Variants in LAMB4 observed in about 807,000 individuals in gnomAD.
LAMB4 encodes the protein laminin subunit beta 4, also known as laminin subunit beta-4.
In LAMB4, 196 loss-of-function variants were observed where a neutral mutation model predicts 199.2. That is an observed-to-expected ratio of 0.98 (90% confidence interval 0.88 to 1.11). LAMB4 has a LOEUF of 1.11. Ranked by LOEUF, LAMB4 falls within the 50% of genes least tolerant of loss-of-function variation. The probability of loss-of-function intolerance (pLI) is 0.00; values close to 1 mark genes in which losing one functional copy is unlikely to be tolerated. For synonymous variants in LAMB4, 744 were observed against 770.6 expected (o/e 0.97, Z 0.57); for missense variants, 2,080 against 2,171.2 (o/e 0.96, Z 0.83).
chr7:108,052,346 T>C, intron 25 of LAMB4, 89 bp from the exon 26 acceptor site: 2 of 982,498 alleles, frequency 2.0e-6, no homozygotes, highest in Non-Finnish European at 2.9e-6. Context: ...GCCCTCATTG[T>C]TAGGAATTCT....
intron 31 of LAMB4, among the ~76,000 whole-genome samples, chr7:108,031,422 A>G (rs1372670932): frequency 6.6e-6 from 1 of 151,466 alleles, no homozygotes; most frequent in African/African-American, 2.4e-5. Context: ...ACGAATAGCC[A>G]TGTATCCACC....
intron 19 of LAMB4, among the ~76,000 whole-genome samples, chr7:108,067,536 G>C (rs1010502420): frequency 3.9e-5 from 6 of 152,178 alleles, no homozygotes; most frequent in Non-Finnish European, 2.9e-5. Context: ...GAGTTACAAG[G>C]CTGTTTGCAA....
At chr7:108,106,449 G>T in intron 7 of LAMB4, 60 bp downstream of exon 7, 1 of 995,456 alleles carries the variant, frequency 1.0e-6, no homozygotes, top group South Asian at 1.4e-5. Context: ...CAATTACAAG[G>T]AATATGCCAA....
At chr7:108,048,948 C>A (rs563386015) in intron 27 of LAMB4, among the ~76,000 whole-genome samples, 1 of 152,318 alleles carries the variant, frequency 6.6e-6, no homozygotes, top group African/African-American at 2.4e-5. Flanking sequence ...ACCTTGGCCT[C>A]CCAAAGTGCT....
intron 10 of LAMB4, among the ~76,000 whole-genome samples, chr7:108,102,671 C>G (rs779229159): frequency 1.3e-5 from 2 of 152,108 alleles, no homozygotes; most frequent in Non-Finnish European, 2.9e-5. Context: ...TTTTAAAAAG[C>G]GCAAGGTAAG....
At position 108,095,227 on chromosome 7, in the gene LAMB4, C is replaced by T. The variant is rs1480158594; in HGVS notation, c.1470+1G>A. ...AAGGGAAACTATAGGCAAATACATA[C>T]AGTGCATTCTTCGCAGTGTGCTCCG... On this transcript the variant is annotated splice_donor_variant, in intron 12 of 33. Transcript: ENST00000388781. LOFTEE classifies it high-confidence loss of function. The T allele has an allele frequency of 1.2e-6, 2 of 1,604,766 alleles. No homozygotes were observed. The highest frequency in any genetic ancestry group is 1.7e-6 in the Non-Finnish European group (2 of 1,171,846).
At chr7:108,124,664 C>CAAA (rs55806392) in intron 1 of LAMB4, among the ~76,000 whole-genome samples, 1 of 144,824 alleles carries the variant, frequency 6.9e-6, no homozygotes, top group Non-Finnish European at 1.5e-5. Flanking sequence ...GTTTAAAAGG[C>CAAA]AAAAAAAAAA....
At chr7:108,118,434 C>G (rs2038484277) in intron 2 of LAMB4, among the ~76,000 whole-genome samples, 1 of 151,972 alleles carries the variant, frequency 6.6e-6, no homozygotes, top group Admixed American at 6.6e-5. Flanking sequence ...GAAAAGACAC[C>G]TAGATCAATG....
At chr7:108,119,430 A>G (rs1230081510) in intron 2 of LAMB4, among the ~76,000 whole-genome samples, 16 of 152,214 alleles carry the variant, frequency 1.1e-4, no homozygotes, top group Admixed American at 1.0e-3. Context: ...CATCTGTACC[A>G]TGGAACCTAG....
rs376786166 is a variant in LAMB4, at chr7:108,057,938, C to G, written c.3283-10G>C. The G allele has an allele frequency of 6.3e-7, 1 of 1,593,624 alleles. No homozygotes were observed. The highest frequency in any genetic ancestry group is 1.1e-5 in the South Asian group (1 of 90,540). ...GACACTGGCCTGTAAGCTGTGAGAA[C>G]AGTCATGGGTGAGGAATTGACAAGT... On this transcript the variant is annotated splice_polypyrimidine_tract_variant and intron_variant, in intron 23 of 33. Transcript: ENST00000388781.
intron 17 of LAMB4, 106 bp downstream of exon 17, chr7:108,076,838 C>T: frequency 1.5e-6 from 2 of 1,292,328 alleles, no homozygotes; most frequent in Non-Finnish European, 2.1e-6. Context: ...TATAATTGAG[C>T]AAATACGTTT....
chr7:108,070,317 T>C (rs2036489833), intron 17 of LAMB4, among the ~76,000 whole-genome samples: 1 of 152,252 alleles, frequency 6.6e-6, no homozygotes, highest in Non-Finnish European at 1.5e-5. Context: ...CCAGTTTCCA[T>C]AGCCCTTTAC....
intron 28 of LAMB4, among the ~76,000 whole-genome samples, chr7:108,044,975 GA>G (rs1287213891): frequency 8.1e-6 from 1 of 122,894 alleles, no homozygotes; most frequent in African/African-American, 3.2e-5. Context: ...AAAAAAAAAA[GA>G]AAAGAAAAGA....
chr7:108,113,897 G>A (rs112328309), intron 3 of LAMB4, among the ~76,000 whole-genome samples: 18 of 152,254 alleles, frequency 1.2e-4, no homozygotes, highest in East Asian at 3.9e-4. Flanking sequence ...ACCAGTGGTC[G>A]TAGCCCCTTC....
In LAMB4 at chr7:108,066,803, G is replaced by A. The variant is rs528936754; in HGVS notation, c.2447-203C>T. On this transcript the variant is annotated intron_variant, in intron 19 of 33. Coordinates refer to ENST00000388781, the MANE Select transcript of LAMB4 (RefSeq NM_007356.3). Reference sequence around the variant, plus strand: ...AGTCACTGGATAAACAGTATGTTGCGAACAATTGGGTTTAATTAACGTTTG... The same window carrying A: ...AGTCACTGGATAAACAGTATGTTGCAAACAATTGGGTTTAATTAACGTTTG... 5.9e-5 allele frequency among the ~76,000 whole-genome samples: 9 copies of A among 152,142 alleles called. No individual in the cohort carries two copies. The South Asian group carries it at 8.3e-4, about 14-fold the overall frequency.
In LAMB4 at chr7:108,116,036, C is replaced by G. The variant is rs541366871; in HGVS notation, c.160G>C (p.Ala54Pro). The change falls in exon 3 of 34, where the codon GCC (alanine) becomes CCC (proline). Residue 54 changes from alanine to proline, a missense_variant. Physicochemically the swap from Ala to Pro is conservative, Grantham distance 27 (BLOSUM62 -1). Transcript: ENST00000388781. Reference sequence around the variant, plus strand: ...TAACTGAGGATGCAGTATTTCTGGGCTCTGCTCAGCCCACAGGTAGAAGAA... The same window carrying G: ...TAACTGAGGATGCAGTATTTCTGGGGTCTGCTCAGCCCACAGGTAGAAGAA... ...MASSTCGLSR[A>P]QKYCILSYLE... is the part of the protein sequence containing the mutation. The G allele has an allele frequency of 6.2e-7, 1 of 1,613,924 alleles. No homozygotes were observed. Among genetic ancestry groups the G allele is most frequent in the Non-Finnish European group, 8.5e-7 (1 of 1,179,860 alleles).
At chr7:108,019,648 C>A (rs186470648), downstream of LAMB4, among the ~76,000 whole-genome samples, 9 of 152,110 alleles carry the variant, frequency 5.9e-5, no homozygotes. Flanking sequence ...TCACATCAAA[C>A]TGCAAGGGAG....
chr7:108,056,073 T>G, intron 24 of LAMB4, 66 bp from the exon 25 acceptor site: 1 of 1,434,968 alleles, frequency 7.0e-7, no homozygotes, highest in Non-Finnish European at 9.4e-7. Flanking sequence ...AACTCAAGAA[T>G]CAGGTCTTTT....
chr7:108,046,196 G>A (rs987739794), intron 28 of LAMB4, among the ~76,000 whole-genome samples: 3 of 151,240 alleles, frequency 2.0e-5, no homozygotes, highest in South Asian at 2.1e-4. Context: ...AGTCTCCCGA[G>A]TAGCTGGGAT....
Sources: gnomAD v4.1 joint callset for allele counts (sites outside exome capture counted in the v4.1 genomes callset) on GRCh38, gnomAD v4.1.1 for gene constraint, MANE v1.5 for transcripts, NCBI Gene and HGNC (gene_info 2026-07-23, HGNC 2026-07-21) for gene names.